LRMDA: variants seen among roughly 807,000 people sequenced by gnomAD.
LRMDA encodes the protein leucine rich melanocyte differentiation associated.
A neutral mutation model predicts 29.8 loss-of-function variants in LRMDA; 18 were observed. That is an observed-to-expected ratio of 0.60 (90% CI 0.42 to 0.90). The LOEUF (loss-of-function observed/expected upper bound fraction) is 0.90, where lower values mean the gene tolerates loss of function less well. Ranked by LOEUF, LRMDA falls within the 40% of genes least tolerant of loss-of-function variation. LRMDA has a pLI of 0.00. For synonymous variants in LRMDA, 125 were observed against 109.4 expected (o/e 1.14, Z -0.89); for missense variants, 273 against 273.9 (o/e 1.00, Z 0.02).
intron 1 of LRMDA, among the ~76,000 whole-genome samples, chr10:75,437,813 G>A (rs1385805976): frequency 6.6e-6 from 1 of 152,210 alleles, no homozygotes; most frequent in Non-Finnish European, 1.5e-5. Flanking sequence ...ACACATTGTT[G>A]CCCTGTTGCC....
chr10:75,953,366 C>T (rs1846610683), intron 2 of LRMDA, among the ~76,000 whole-genome samples: 1 of 152,172 alleles, frequency 6.6e-6, no homozygotes, highest in African/African-American at 2.4e-5. Context: ...AGGTGTGAGC[C>T]ACCATGCCTA....
At chr10:76,187,907 G>C (rs1249424849) in intron 5 of LRMDA, among the ~76,000 whole-genome samples, 1 of 152,128 alleles carries the variant, frequency 6.6e-6, no homozygotes, top group African/African-American at 2.4e-5. Flanking sequence ...ACATGTGCAA[G>C]AAAATGAGGG....
chr10:75,487,020 A>G (rs1232378452), intron 2 of LRMDA, among the ~76,000 whole-genome samples: 1 of 152,192 alleles, frequency 6.6e-6, no homozygotes, highest in East Asian at 1.9e-4. Context: ...CAGAAGAATT[A>G]CAGTGTCTGA....
At chr10:76,268,017 C>T (rs1334668407) in intron 5 of LRMDA, among the ~76,000 whole-genome samples, 2 of 152,182 alleles carry the variant, frequency 1.3e-5, no homozygotes, top group African/African-American at 4.8e-5. Flanking sequence ...AATGTATCTT[C>T]TACCTCAGCC....
intron 2 of LRMDA, among the ~76,000 whole-genome samples, chr10:75,810,557 C>T (rs371741348): frequency 1.1e-4 from 16 of 152,348 alleles, no homozygotes; most frequent in East Asian, 5.8e-4. Context: ...CACCAACATT[C>T]TGCCACTTTT....
chr10:75,735,883 A>G (rs1842755749), intron 2 of LRMDA, among the ~76,000 whole-genome samples: 1 of 152,166 alleles, frequency 6.6e-6, no homozygotes, highest in South Asian at 2.1e-4. Context: ...TCAGACACAC[A>G]CTGTTACTTA....
At chr10:75,857,316 A>C (rs953416921) in intron 2 of LRMDA, among the ~76,000 whole-genome samples, 6 of 152,302 alleles carry the variant, frequency 3.9e-5, no homozygotes, top group Non-Finnish European at 5.9e-5. Flanking sequence ...CCTCCTTTCC[A>C]GTTGATGCAG....
At chr10:76,028,966 G>A (rs1282524275) in intron 2 of LRMDA, among the ~76,000 whole-genome samples, 2 of 151,958 alleles carry the variant, frequency 1.3e-5, no homozygotes, top group African/African-American at 4.8e-5. Context: ...ACAGGCACGT[G>A]CCACCACGCC....
At chr10:75,914,056 A>G (rs550904079) in intron 2 of LRMDA, among the ~76,000 whole-genome samples, 1 of 152,364 alleles carries the variant, frequency 6.6e-6, no homozygotes, top group Admixed American at 6.5e-5. Flanking sequence ...CTTACAAAGA[A>G]GCAGAGGTTT....
At chr10:76,036,190 C>A in intron 3 of LRMDA, 56 bp downstream of exon 3, 2 of 1,506,686 alleles carry the variant, frequency 1.3e-6, no homozygotes, top group East Asian at 2.3e-5. Flanking sequence ...CAGTCGTCCC[C>A]CAACCCCACC....
intron 2 of LRMDA, among the ~76,000 whole-genome samples, chr10:75,939,197 A>G (rs563772056): frequency 4.9e-4 from 75 of 152,272 alleles, no homozygotes; most frequent in African/African-American, 1.7e-3. Flanking sequence ...CTGTGTGGGA[A>G]CCAGATGCAA....
chr10:76,315,616 AG>A (rs2132385086), intron 5 of LRMDA, among the ~76,000 whole-genome samples: 1 of 140,434 alleles, frequency 7.1e-6, no homozygotes, highest in Non-Finnish European at 1.6e-5. Flanking sequence ...AGGAAGCAGC[AG>A]CCCAGGGGGT....
intron 2 of LRMDA, among the ~76,000 whole-genome samples, chr10:76,002,491 C>T (rs983176776): frequency 2.7e-5 from 4 of 149,058 alleles, no homozygotes; most frequent in African/African-American, 9.7e-5. Flanking sequence ...CTCCGAACTT[C>T]AGTTCCTACA....
At chr10:75,958,768 G>T (rs1374504504) in intron 2 of LRMDA, among the ~76,000 whole-genome samples, 2 of 152,112 alleles carry the variant, frequency 1.3e-5, no homozygotes, top group Non-Finnish European at 2.9e-5. Context: ...CCCGAGACTC[G>T]GTAATTTATA....
At chr10:75,722,648 T>C (rs1409693183) in intron 2 of LRMDA, among the ~76,000 whole-genome samples, 1 of 152,168 alleles carries the variant, frequency 6.6e-6, no homozygotes, top group Non-Finnish European at 1.5e-5. Context: ...GGGCGATGTT[T>C]AGTATATGGC....
At chr10:75,708,961 G>A (rs749265759) in intron 2 of LRMDA, among the ~76,000 whole-genome samples, 1 of 152,166 alleles carries the variant, frequency 6.6e-6, no homozygotes, top group Non-Finnish European at 1.5e-5. Flanking sequence ...GAAGGCATTT[G>A]CATAGGAATA....
At position 75,761,795 on chromosome 10, in the gene LRMDA, T is replaced by TG. The variant is rs1162929986; in HGVS notation, c.132-274213_132-274212insG. ...TCCCTGAGATTTTGGTATACTTTTG[T>TG]TTTTTTTTTTTTGTTTTTTTTTTTT... On this transcript the variant is annotated intron_variant, in intron 2 of 6. Transcript: ENST00000611255. 1.8e-4 allele frequency among the ~76,000 whole-genome samples: 22 copies of TG among 122,382 alleles called. No homozygotes were observed. In the East Asian group the frequency reaches 3.5e-3, roughly 19 times the overall value. 80.3% of individuals were successfully genotyped at this position (122,382 alleles called of 152,430 possible).
At chr10:76,164,679 C>T (rs962705526) in intron 5 of LRMDA, among the ~76,000 whole-genome samples, 1 of 152,174 alleles carries the variant, frequency 6.6e-6, no homozygotes, top group Non-Finnish European at 1.5e-5. Flanking sequence ...CTGTGACCTT[C>T]CTTGTAGATC....
intron 6 of LRMDA, chr10:76,396,578 G>A (rs2132490603): frequency 6.6e-6 from 1 of 152,328 alleles, no homozygotes; most frequent in Admixed American, 6.5e-5. Context: ...TCAGTGACCT[G>A]GAAAGGACTC....
Sources: gnomAD v4.1 joint callset for allele counts (sites outside exome capture counted in the v4.1 genomes callset) on GRCh38, gnomAD v4.1.1 for gene constraint, MANE v1.5 for transcripts, NCBI Gene and HGNC (gene_info 2026-07-23, HGNC 2026-07-21) for gene names.